The following SRGAP1 variants were observed in gnomAD, a reference collection of about 807,000 sequenced individuals.
SRGAP1 encodes SLIT-ROBO Rho GTPase activating protein 1.
In SRGAP1, 43 loss-of-function variants were observed where a neutral mutation model predicts 121.9. The observed-to-expected ratio is 0.35, with a 90% CI of 0.28 to 0.46. SRGAP1 has a LOEUF of 0.46. SRGAP1 is among the 20% of genes least tolerant of loss of function. The pLI is 1.00. For synonymous variants in SRGAP1, 447 were observed against 485.4 expected (o/e 0.92, Z 1.04); for missense variants, 1,102 against 1,350.9 (o/e 0.82, Z 2.89).
At chr12:63,987,865 A>T (rs937783149) in intron 2 of SRGAP1, among the ~76,000 whole-genome samples, 1 of 152,238 alleles carries the variant, frequency 6.6e-6, no homozygotes, top group African/African-American at 2.4e-5. Context: ...CTTACCATGT[A>T]TACAAGGCAT....
chr12:63,953,737 A>G (rs547838599), intron 1 of SRGAP1, among the ~76,000 whole-genome samples: 24 of 152,168 alleles, frequency 1.6e-4, no homozygotes, highest in African/African-American at 4.3e-4. Context: ...AAGAGTATGA[A>G]GTATAAGGTT....
chr12:64,116,019 C>A, intron 18 of SRGAP1, 126 bp downstream of exon 18: 1 of 825,260 alleles, frequency 1.2e-6, no homozygotes, highest in Non-Finnish European at 1.9e-6. Context: ...CGTTGGGAAG[C>A]CAAGGTTGGA....
At chr12:64,002,718 G>A (rs1434050518) in intron 3 of SRGAP1, among the ~76,000 whole-genome samples, 1 of 152,130 alleles carries the variant, frequency 6.6e-6, no homozygotes, top group African/African-American at 2.4e-5. Context: ...GGTACAGATA[G>A]CACTGCAAAG....
At chr12:64,012,938 G>A (rs1055832937) in intron 3 of SRGAP1, among the ~76,000 whole-genome samples, 13 of 151,782 alleles carry the variant, frequency 8.6e-5, no homozygotes, top group Admixed American at 6.6e-4. Context: ...AGGTTTCACT[G>A]TGTTGCCCAG....
chr12:64,147,156 T>G lies in SRGAP1; in HGVS notation c.*4484T>G. The G allele has an allele frequency of 4.4e-6, 1 of 225,456 alleles. No individual in the cohort carries two copies. The highest frequency in any genetic ancestry group is 8.6e-6 in the Non-Finnish European group (1 of 116,170). The allele number at this position is 225,456 out of a possible 1,614,324, so 14.0% of individuals were successfully genotyped here. A position where few individuals can be genotyped will look rare whatever the true frequency, so the allele number is the denominator to read the frequency against. ...GAGAGACTGCTGTTTACCTACGTAC[T>G]GAAGGGTAACTGCTGCCCGCGTAAT... On this transcript the variant is annotated 3_prime_UTR_variant, in exon 22 of 22. Coordinates refer to ENST00000355086, the MANE Select transcript of SRGAP1 (RefSeq NM_020762.4).
intron 15 of SRGAP1, among the ~76,000 whole-genome samples, chr12:64,099,258 A>G (rs1397833075): frequency 6.6e-6 from 1 of 152,130 alleles, no homozygotes; most frequent in Non-Finnish European, 1.5e-5. Flanking sequence ...GGGTTGTGAG[A>G]ATTTAGTGAG....
intron 21 of SRGAP1, among the ~76,000 whole-genome samples, chr12:64,139,064 T>C (rs889988817): frequency 1.3e-5 from 2 of 152,270 alleles, no homozygotes; most frequent in Admixed American, 6.5e-5. Flanking sequence ...TTTTCACCTA[T>C]ATAAATGTCT....
At chr12:63,856,529 CTTTCTTGGG>C (rs1899257095) in intron 1 of SRGAP1, among the ~76,000 whole-genome samples, 1 of 142,922 alleles carries the variant, frequency 7.0e-6, no homozygotes, top group South Asian at 2.3e-4. Flanking sequence ...TTTAAATGAC[CTTTCTTGGG>C]TTCCATGTGC....
At chr12:63,991,665 G>A (rs2033559868) in intron 3 of SRGAP1, among the ~76,000 whole-genome samples, 1 of 152,038 alleles carries the variant, frequency 6.6e-6, no homozygotes, top group African/African-American at 2.4e-5. Flanking sequence ...ATCTCCTATG[G>A]GCAGGAGACT....
rs575822713 is a variant in SRGAP1, at chr12:63,895,309, T to G, written c.67+50426T>G. ...TTCAAAGTATATTTCTTGGTACACA[T>G]GCAGGAAGTGTGGTTGAAAAGGTTT... is the stretch of plus-strand genomic sequence containing the variant. On this transcript the variant is annotated intron_variant, in intron 1 of 21. Coordinates refer to ENST00000355086, the MANE Select transcript of SRGAP1 (RefSeq NM_020762.4). Among the ~76,000 whole-genome samples the G allele has an allele frequency of 2.2e-4, 33 of 152,338 alleles. No homozygotes were observed. The South Asian group carries it at 2.5e-3, about 11-fold the overall frequency.
At chr12:64,131,581 T>A (rs962020616) in intron 21 of SRGAP1, among the ~76,000 whole-genome samples, 1 of 152,206 alleles carries the variant, frequency 6.6e-6, no homozygotes, top group South Asian at 2.1e-4. Context: ...CAGGCCCTAG[T>A]CTTCTCTTCC....
At chr12:63,873,207 T>C (rs1170453900) in intron 1 of SRGAP1, among the ~76,000 whole-genome samples, 2 of 152,148 alleles carry the variant, frequency 1.3e-5, no homozygotes, top group Non-Finnish European at 2.9e-5. Flanking sequence ...ACACTGCTAA[T>C]CCCATTGTCC....
intron 3 of SRGAP1, among the ~76,000 whole-genome samples, chr12:64,011,626 A>G (rs1036856673): frequency 6.6e-6 from 1 of 152,182 alleles, no homozygotes; most frequent in African/African-American, 2.4e-5. Flanking sequence ...ATGATTGACT[A>G]GTTGGTAGAA....
At chr12:64,033,339 A>G (rs1345434506) in intron 4 of SRGAP1, among the ~76,000 whole-genome samples, 2 of 152,182 alleles carry the variant, frequency 1.3e-5, no homozygotes, top group Non-Finnish European at 2.9e-5. Context: ...GTCACAACGT[A>G]TCTCAAATTT....
chr12:63,981,933 G>C (rs1455435602), intron 1 of SRGAP1, among the ~76,000 whole-genome samples: 1 of 151,628 alleles, frequency 6.6e-6, no homozygotes, highest in South Asian at 2.1e-4. Flanking sequence ...GAAGTGTTTG[G>C]CCGGGCGCGG....
rs369766862 is a variant in SRGAP1, at chr12:63,909,123, C to G, written c.67+64240C>G. Among the ~76,000 whole-genome samples the G allele has an allele frequency of 3.3e-5, 5 of 151,876 alleles. No homozygotes were observed. In the East Asian group the frequency reaches 5.9e-4, roughly 18 times the overall value. ...CAGGATGGTCCTGATCTCTTGACCT[C>G]GTGATCCACTCGCCTCAGCCTCCCA... On this transcript the variant is annotated intron_variant, in intron 1 of 21. Coordinates refer to ENST00000355086, the MANE Select transcript of SRGAP1 (RefSeq NM_020762.4).
At chr12:64,111,712 CTTT>C in intron 16 of SRGAP1, 47 bp from the exon 17 acceptor site, 1 of 1,470,018 alleles carries the variant, frequency 6.8e-7, no homozygotes, top group Non-Finnish European at 9.3e-7. Context: ...CATTTATATC[CTTT>C]TTTTCTCTTT....
intron 1 of SRGAP1, among the ~76,000 whole-genome samples, chr12:63,931,322 A>G (rs985247371): frequency 6.6e-6 from 1 of 152,202 alleles, no homozygotes; most frequent in Non-Finnish European, 1.5e-5. Flanking sequence ...ATGGATTAAA[A>G]TTGCCTTTAT....
intron 3 of SRGAP1, among the ~76,000 whole-genome samples, chr12:64,010,611 T>A (rs2034224277): frequency 6.6e-6 from 1 of 152,060 alleles, no homozygotes; most frequent in South Asian, 2.1e-4. Flanking sequence ...AGCACCAAAG[T>A]AGGCACTGGG....
Sources: allele counts gnomAD v4.1 joint callset (sites outside exome capture counted in the v4.1 genomes callset), GRCh38; gene constraint gnomAD v4.1.1; transcripts MANE v1.5; gene names NCBI Gene and HGNC (gene_info 2026-07-23, HGNC 2026-07-21).